Variants in RBM11 observed in about 807,000 individuals in gnomAD.
RBM11 encodes splicing regulator RBM11.
Under a neutral mutation model 21.4 loss-of-function variants are expected in RBM11, and 18 were observed. The observed-to-expected ratio is 0.84, with a 90% confidence interval of 0.58 to 1.25. The LOEUF is 1.25. Ranked by LOEUF, RBM11 falls within the 50% of genes most tolerant of loss-of-function variation. The pLI, the probability that RBM11 is intolerant of heterozygous loss-of-function variation, is 0.00. For synonymous variants in RBM11, 120 were observed against 116.3 expected (o/e 1.03, Z -0.20); for missense variants, 294 against 331.9 (o/e 0.89, Z 0.89).
chr21:14,216,587 G>A lies in RBM11; in HGVS notation c.96+305G>A, dbSNP rs569064126. ...GCCTCGGGTGTGCGCGGGCAGAACC[G>A]AAAACAGCCTGGTCACTGTTCTCCG... is the stretch of plus-strand genomic sequence containing the variant. On this transcript the variant is annotated intron_variant, in intron 1 of 4. Coordinates refer to ENST00000400577, the MANE Select transcript of RBM11 (RefSeq NM_144770.5). Among the ~76,000 whole-genome samples, 5 of 152,286 alleles carry A rather than the reference G, an allele frequency of 3.3e-5. No individual in the cohort carries two copies. The South Asian group carries it at 1.0e-3, about 32-fold the overall frequency.
chr21:14,221,975 C>T (rs1978703729), intron 3 of RBM11, among the ~76,000 whole-genome samples: 1 of 152,178 alleles, frequency 6.6e-6, no homozygotes, highest in Non-Finnish European at 1.5e-5. Context: ...GTGGTTCAGG[C>T]TTTTTGATGT....
intron 3 of RBM11, among the ~76,000 whole-genome samples, chr21:14,223,502 GTTTC>G (rs1223136017): frequency 2.0e-5 from 3 of 152,152 alleles, no homozygotes; most frequent in Admixed American, 2.0e-4. Context: ...CAGCAGCATT[GTTTC>G]TTTATGAGAG....
At chr21:14,222,241 T>G (rs1978732591) in intron 3 of RBM11, among the ~76,000 whole-genome samples, 2 of 152,056 alleles carry the variant, frequency 1.3e-5, no homozygotes, top group Non-Finnish European at 2.9e-5. Flanking sequence ...TATCTATATA[T>G]AGAGGAGAGG....
Position 14,221,119 on chromosome 21 carries a change from A to G in RBM11, c.282A>G (p.Pro94=), listed in dbSNP as rs1432515480. 2 of 1,580,246 alleles carry G rather than the reference A, an allele frequency of 1.3e-6. No homozygotes were observed. The highest frequency in any genetic ancestry group is 3.6e-5 in the Admixed American group (2 of 55,314). The change falls in exon 3 of 5, where the codon CCA becomes CCG. Residue 94 remains proline (P), a synonymous_variant. Coordinates refer to ENST00000400577, the MANE Select transcript of RBM11 (RefSeq NM_144770.5). ...AAGGGAGTTCTCGCTCTTCTGAACCAGCTAACCAAAGTTTTGAGAGCTGTG... is the reference window on the plus strand; with the variant it reads ...AAGGGAGTTCTCGCTCTTCTGAACCGGCTAACCAAAGTTTTGAGAGCTGTG... The part of the protein sequence containing the change: ...YRFGSSRSSE[P]ANQSFESCVK...
chr21:14,225,167 A>C (rs906868005), intron 4 of RBM11, among the ~76,000 whole-genome samples: 2 of 152,206 alleles, frequency 1.3e-5, no homozygotes, highest in African/African-American at 4.8e-5. Flanking sequence ...CACTTAGTGA[A>C]GTATTTTTAT....
chr21:14,227,256 AAAAGTTCCG>A lies in RBM11; in HGVS notation c.815_823del (p.Phe272_Lys274del). The A allele has an allele frequency of 5.6e-6, 9 of 1,613,096 alleles. No homozygotes were observed. Among genetic ancestry groups the A allele is most frequent in the Non-Finnish European group, 7.6e-6 (9 of 1,179,612 alleles). On this transcript the variant is annotated inframe_deletion, in exon 5 of 5. Coordinates refer to ENST00000400577, the MANE Select transcript of RBM11 (RefSeq NM_144770.5). ...AACAACAGAGGCAACGAATGTAGCC[AAAAGTTCCG>A]AAAGTCTAAGAAGAAGAAAAGATAC...
Position 14,221,078 on chromosome 21 carries a change from T to TA in RBM11, c.260-18dup, listed in dbSNP as rs1978625538. On this transcript the variant is annotated intron_variant, in intron 2 of 4. Transcript: ENST00000400577. Reference sequence around the variant, plus strand: ...AAAAATGTACCATGAAGTAACCTGTTACTCTGTTTCTTTCAAAGGGAGTTC... The same window carrying TA: ...AAAAATGTACCATGAAGTAACCTGTTAACTCTGTTTCTTTCAAAGGGAGTTC... The TA allele has an allele frequency of 6.4e-7, 1 of 1,552,242 alleles. No individual in the cohort carries two copies. Among genetic ancestry groups the TA allele is most frequent in the African/African-American group, 1.4e-5 (1 of 73,072 alleles).
chr21:14,219,509 A>C lies in RBM11; in HGVS notation c.97-54A>C, dbSNP rs914403834. 4.6e-6 allele frequency: 6 copies of C among 1,307,662 alleles called. No individual in the cohort carries two copies. In the African/African-American group the frequency reaches 7.4e-5, roughly 16 times the overall value. 81.0% of individuals were successfully genotyped at this position (1,307,662 alleles called of 1,614,324 possible). Reference sequence around the variant, plus strand: ...GTCTAAAGTTGAATTTACTTATTTGAGTATAAAAAAAATCTTTGGATTTAT... The same window carrying C: ...GTCTAAAGTTGAATTTACTTATTTGCGTATAAAAAAAATCTTTGGATTTAT... On this transcript the variant is annotated intron_variant, in intron 1 of 4. Coordinates refer to ENST00000400577, the MANE Select transcript of RBM11 (RefSeq NM_144770.5).
At chr21:14,223,408 A>C (rs2123403975) in intron 3 of RBM11, among the ~76,000 whole-genome samples, 1 of 152,312 alleles carries the variant, frequency 6.6e-6, no homozygotes, top group Non-Finnish European at 1.5e-5. Flanking sequence ...GGCTGCTATA[A>C]CAAAGTACCG....
chr21:14,217,349 A>G (rs75141848), intron 1 of RBM11, among the ~76,000 whole-genome samples: 1 of 152,330 alleles, frequency 6.6e-6, no homozygotes, highest in African/African-American at 2.4e-5. Context: ...ACTAACATCA[A>G]GAGAAATCAA....
At chr21:14,219,118 C>A (rs977588252) in intron 1 of RBM11, among the ~76,000 whole-genome samples, 1 of 152,144 alleles carries the variant, frequency 6.6e-6, no homozygotes, top group Admixed American at 6.5e-5. Context: ...ATTTAATCTT[C>A]ATGACAGAAA....
rs1041830788 is a variant in RBM11, at chr21:14,227,981, G to A, written c.*688G>A. 6.6e-6 allele frequency: 1 copy of A among 152,126 alleles called. No individual in the cohort carries two copies. Among genetic ancestry groups the A allele is most frequent in the East Asian group, 1.9e-4 (1 of 5,182 alleles). The allele number at this position is 152,126 out of a possible 1,614,324, so 9.4% of individuals were successfully genotyped here. ...AATTGTATGTCATTAAAATCAGTTG[G>A]CTATGTCAGTGTGTATTATTCACCT... On this transcript the variant is annotated 3_prime_UTR_variant, in exon 5 of 5. Transcript: ENST00000400577.
At chr21:14,225,184 T>C (rs965131160) in intron 4 of RBM11, among the ~76,000 whole-genome samples, 1 of 152,206 alleles carries the variant, frequency 6.6e-6, no homozygotes, top group Non-Finnish European at 1.5e-5. Flanking sequence ...TTATATAATG[T>C]CATCAATCCC....
intron 1 of RBM11, 38 bp downstream of exon 1, chr21:14,216,320 A>C (rs1568894736): frequency 6.3e-7 from 1 of 1,580,390 alleles, no homozygotes; most frequent in Non-Finnish European, 8.7e-7. Context: ...GGGGCGGAGC[A>C]CGTCGGGCCG....
In RBM11 at chr21:14,221,114, G is replaced by A; in HGVS notation, c.277G>A (p.Glu93Lys). ...QYRFGSSRSS[E>K]PANQSFESCV... ...TTTCAAAGGGAGTTCTCGCTCTTCT[G>A]AACCAGCTAACCAAAGTTTTGAGAG... Residue 93 changes from glutamate (E) to lysine (K), a missense_variant, in exon 3 of 5, where the codon GAA (glutamate) becomes AAA (lysine). Around this residue, in one of 2 missense-constraint regions of RBM11, gnomAD observed 181 missense variants for 164.6 expected, o/e 1.10. Coordinates refer to ENST00000400577, the MANE Select transcript of RBM11 (RefSeq NM_144770.5). 1.3e-6 allele frequency: 2 copies of A among 1,578,968 alleles called. No individual in the cohort carries two copies. The highest frequency in any genetic ancestry group is 1.7e-6 in the Non-Finnish European group (2 of 1,160,918).
At position 14,227,733 on chromosome 21, in the gene RBM11, A is replaced by T. The variant is rs2822448; in HGVS notation, c.*440A>T. The T allele has an allele frequency of 0.072, 11,601 of 161,520 alleles. 537 individuals are homozygous for T. The highest frequency in any genetic ancestry group is 0.22 in the East Asian group (1,180 of 5,438). The allele number at this position is 161,520 out of a possible 1,614,324, so 10.0% of individuals were successfully genotyped here. On this transcript the variant is annotated 3_prime_UTR_variant, in exon 5 of 5. Coordinates refer to ENST00000400577, the MANE Select transcript of RBM11 (RefSeq NM_144770.5). ...TAGTGCAGATATTTAAGGATTGCAT[A>T]TTGTTCCTAATGAGGATGTAATAAA...
chr21:14,220,999 A>G (rs1371042405), intron 2 of RBM11, 98 bp from the exon 3 acceptor site: 7 of 1,224,228 alleles, frequency 5.7e-6, no homozygotes, highest in Non-Finnish European at 7.8e-6. Flanking sequence ...TAAAATCACT[A>G]CTACGTCCTA....
At chr21:14,222,877 A>G (rs533548067) in intron 3 of RBM11, among the ~76,000 whole-genome samples, 12 of 152,320 alleles carry the variant, frequency 7.9e-5, no homozygotes, top group Non-Finnish European at 1.5e-4. Flanking sequence ...TACTGAGCAT[A>G]CAATGTTCCG....
At position 14,227,548 on chromosome 21, in the gene RBM11, A is replaced by G. The variant is rs757697103; in HGVS notation, c.*255A>G. The G allele has an allele frequency of 6.8e-5, 29 of 425,302 alleles. No individual in the cohort carries two copies. The highest frequency in any genetic ancestry group is 1.1e-4 in the Non-Finnish European group (27 of 241,054). The allele number at this position is 425,302 out of a possible 1,614,324, so 26.3% of individuals were successfully genotyped here. ...GCAACAAATAGACTATTGTCATTTT[A>G]TTAGTACCAATGATGAAATTTCACC... is the stretch of plus-strand genomic sequence containing the variant. On this transcript the variant is annotated 3_prime_UTR_variant, in exon 5 of 5. Transcript: ENST00000400577.
Sources: gnomAD v4.1 joint callset for allele counts (sites outside exome capture counted in the v4.1 genomes callset) on GRCh38, gnomAD v4.1.1 for gene constraint, gnomAD v4.1.1 regional missense constraint, MANE v1.5 for transcripts, NCBI Gene and HGNC (gene_info 2026-07-23, HGNC 2026-07-21) for gene names.